AP3B1: variants seen among roughly 807,000 people sequenced by gnomAD.
The protein encoded by AP3B1 is AP-3 complex subunit beta-1.
Under a neutral mutation model 132.5 loss-of-function variants are expected in AP3B1, and 61 were observed. That is an observed-to-expected ratio of 0.46 (90% confidence interval 0.37 to 0.57). The LOEUF (loss-of-function observed/expected upper bound fraction) is 0.57, where lower values mean the gene tolerates loss of function less well. Among genes scored for constraint, AP3B1 ranks in the 20% least tolerant of loss-of-function variants. The probability of loss-of-function intolerance (pLI) is 0.00; values close to 1 mark genes in which losing one functional copy is unlikely to be tolerated. For missense variants in AP3B1, 1,120 were observed against 1,289.4 expected (o/e 0.87, Z 2.01); for synonymous variants, 388 against 438.3 (o/e 0.89, Z 1.43).
At chr5:78,228,317 C>A in intron 3 of AP3B1, 78 bp from the exon 4 acceptor site, 4 of 875,922 alleles carry the variant, frequency 4.6e-6, no homozygotes, top group South Asian at 3.0e-5. Flanking sequence ...AATCCATGCT[C>A]AATTCTTCTC....
intron 11 of AP3B1, among the ~76,000 whole-genome samples, chr5:78,171,251 T>C (rs768734109): frequency 1.2e-4 from 18 of 152,168 alleles, no homozygotes; most frequent in Non-Finnish European, 1.5e-5. Context: ...TTTAAAGTAG[T>C]TTTTTCCAAT....
At chr5:78,266,152 TCCAAGTACAC>T (rs1236690279) in intron 2 of AP3B1, among the ~76,000 whole-genome samples, 91 of 152,332 alleles carry the variant, frequency 6.0e-4, no homozygotes, top group African/African-American at 2.1e-3. Context: ...TTGTACATTA[TCCAAGTACAC>T]AATTAATACA....
intron 17 of AP3B1, among the ~76,000 whole-genome samples, chr5:78,125,107 T>C (rs1580379990): frequency 1.3e-5 from 2 of 152,268 alleles, no homozygotes; most frequent in South Asian, 2.1e-4. Flanking sequence ...CTGTAAAGGA[T>C]AAAATATTGA....
At chr5:78,229,421 A>G (rs6867095) in intron 3 of AP3B1, among the ~76,000 whole-genome samples, 55,670 of 151,780 alleles carry the variant, frequency 0.37, 10,486 homozygotes, top group African/African-American at 0.45. Context: ...TAAGATACCA[A>G]CACAGTATAT....
chr5:78,205,345 T>A (rs1745459432), intron 7 of AP3B1, among the ~76,000 whole-genome samples: 1 of 152,048 alleles, frequency 6.6e-6, no homozygotes, highest in South Asian at 2.1e-4. Context: ...TTTTGCCTTT[T>A]ACTAAGTAAG....
intron 7 of AP3B1, among the ~76,000 whole-genome samples, chr5:78,210,111 G>A (rs1163519828): frequency 6.6e-6 from 1 of 152,056 alleles, no homozygotes; most frequent in African/African-American, 2.4e-5. Context: ...GCATTGTAAA[G>A]AATGTATTCT....
chr5:78,215,961 C>A (rs1745943181), intron 7 of AP3B1, 94 bp downstream of exon 7: 6 of 1,170,438 alleles, frequency 5.1e-6, no homozygotes, highest in Non-Finnish European at 7.6e-6. Flanking sequence ...ATGCAGATTT[C>A]TCTAGTTTAC....
At chr5:78,168,122 T>C (rs1743735329) in intron 11 of AP3B1, among the ~76,000 whole-genome samples, 1 of 152,010 alleles carries the variant, frequency 6.6e-6, no homozygotes, top group African/African-American at 2.4e-5. Flanking sequence ...ACAAATCATT[T>C]ATTCAGACAC....
chr5:78,259,629 A>G (rs1489338430), intron 2 of AP3B1, among the ~76,000 whole-genome samples: 2 of 152,286 alleles, frequency 1.3e-5, no homozygotes, highest in South Asian at 2.1e-4. Context: ...CATCTCATGT[A>G]CCCCCAAAAT....
intron 2 of AP3B1, among the ~76,000 whole-genome samples, chr5:78,242,041 T>C (rs2112520539): frequency 6.6e-6 from 1 of 152,338 alleles, no homozygotes; most frequent in East Asian, 1.9e-4. Flanking sequence ...CTCCTCTTCC[T>C]ATCCATAATG....
chr5:78,079,640 A>G (rs1347246985), intron 22 of AP3B1, among the ~76,000 whole-genome samples: 2 of 152,216 alleles, frequency 1.3e-5, no homozygotes, highest in African/African-American at 2.4e-5. Flanking sequence ...TGATAGTTTT[A>G]TTTTAGTTAT....
intron 22 of AP3B1, among the ~76,000 whole-genome samples, chr5:78,077,086 T>C (rs972789973): frequency 1.3e-5 from 2 of 152,208 alleles, no homozygotes; most frequent in African/African-American, 4.8e-5. Context: ...AACCTTGAGT[T>C]TGGCTACCTC....
chr5:78,220,018 T>C (rs2112482395), intron 6 of AP3B1, among the ~76,000 whole-genome samples: 1 of 152,258 alleles, frequency 6.6e-6, no homozygotes, highest in African/African-American at 2.4e-5. Flanking sequence ...ATGAAAGTGA[T>C]TTTTGATCCT....
intron 1 of AP3B1, among the ~76,000 whole-genome samples, chr5:78,274,804 T>C (rs1748701601): frequency 6.6e-6 from 1 of 152,120 alleles, no homozygotes; most frequent in Non-Finnish European, 1.5e-5. Flanking sequence ...TGTGCACCTA[T>C]AATCCTAGCT....
chr5:78,037,864 A>AG (rs1747869486), intron 23 of AP3B1, among the ~76,000 whole-genome samples: 1 of 152,232 alleles, frequency 6.6e-6, no homozygotes, highest in Admixed American at 6.5e-5. Flanking sequence ...ACTAAACCTT[A>AG]GGGTTATCTC....
chr5:78,129,283 A>G lies in AP3B1; in HGVS notation c.1675T>C (p.Leu559=), dbSNP rs770281960. 5.6e-6 allele frequency: 9 copies of G among 1,612,908 alleles called. No homozygotes were observed. Among genetic ancestry groups the G allele is most frequent in the Non-Finnish European group, 7.6e-6 (9 of 1,179,138 alleles). ...TTTTGATCATACTTGCCGAGATTTA[A>G]TATGTACTGGGTAAGCAATTTTGTC... is the stretch of plus-strand genomic sequence containing the variant. ...KQTKLLTQYI[L]NLGKYDQNYD... The change falls in exon 16 of 27, where the codon TTA becomes CTA. Residue 559 remains leucine (L), a synonymous_variant. Transcript: ENST00000255194.
At position 78,213,183 on chromosome 5, in the gene AP3B1, C is replaced by A. The variant is rs1745821947; in HGVS notation, c.786+2872G>T. Reference sequence around the variant, plus strand: ...CGTGAGCCACCGCGCCCGGCCTCGTCTGCCAACTTCTAAAGCTAAAACTAC... The same window carrying A: ...CGTGAGCCACCGCGCCCGGCCTCGTATGCCAACTTCTAAAGCTAAAACTAC... On this transcript the variant is annotated intron_variant, in intron 7 of 26. Coordinates refer to ENST00000255194, the MANE Select transcript of AP3B1 (RefSeq NM_003664.5). Among the ~76,000 whole-genome samples, 3 of 152,126 alleles carry A rather than the reference C, an allele frequency of 2.0e-5. No individual in the cohort carries two copies. The South Asian group carries it at 6.2e-4, about 32-fold the overall frequency.
intron 7 of AP3B1, among the ~76,000 whole-genome samples, chr5:78,215,232 T>G (rs984131602): frequency 6.6e-6 from 1 of 151,868 alleles, no homozygotes; most frequent in Non-Finnish European, 1.5e-5. Flanking sequence ...CACAAATTGG[T>G]TTTTAAAATC....
intron 7 of AP3B1, among the ~76,000 whole-genome samples, chr5:78,194,585 A>G (rs1322570587): frequency 6.6e-6 from 1 of 152,208 alleles, no homozygotes; most frequent in African/African-American, 2.4e-5. Context: ...GACAGAAAAC[A>G]TTACTTCTAA....
Sources: allele counts gnomAD v4.1 joint callset (sites outside exome capture counted in the v4.1 genomes callset), GRCh38; gene constraint gnomAD v4.1.1; transcripts MANE v1.5; gene names NCBI Gene and HGNC (gene_info 2026-07-23, HGNC 2026-07-21).